RHOU: variants seen among roughly 807,000 people sequenced by gnomAD.
RHOU encodes the protein ras homolog family member U.
RHOU carries 8 observed loss-of-function variants against 12.6 expected under a neutral mutation model. The ratio of observed to expected loss-of-function variants is 0.64; its 90% CI spans 0.37 to 1.15. RHOU has a LOEUF of 1.15. Ranked by LOEUF, RHOU falls within the 50% of genes most tolerant of loss-of-function variation. The pLI, the probability that RHOU is intolerant of heterozygous loss-of-function variation, is 0.01. For missense variants in RHOU, 258 were observed against 347.0 expected (o/e 0.74, Z 2.04); for synonymous variants, 161 against 147.4 (o/e 1.09, Z -0.67).
At chr1:228,656,983 T>C in the RHOU span, among the ~76,000 whole-genome samples, 4 of 151,454 alleles carry the variant, frequency 2.6e-5, no homozygotes, top group African/African-American at 7.3e-5. Flanking sequence ...AGTGAAGAAA[T>C]AGAAAAAAGA....
the RHOU span, among the ~76,000 whole-genome samples, chr1:228,708,182 T>C: frequency 6.6e-6 from 1 of 152,144 alleles, no homozygotes; most frequent in South Asian, 2.1e-4. Flanking sequence ...CTACGTCTGA[T>C]TGGTGTACCT....
chr1:228,662,956 G>A, the RHOU span, among the ~76,000 whole-genome samples: 3 of 152,100 alleles, frequency 2.0e-5, no homozygotes, highest in East Asian at 3.9e-4. Flanking sequence ...CTGTCCCCTC[G>A]GGATCTGGCT....
At chr1:228,716,748 A>G in the RHOU span, among the ~76,000 whole-genome samples, 43 of 73,380 alleles carry the variant, frequency 5.9e-4, 1 homozygote, top group East Asian at 0.01. Flanking sequence ...ATACACACAC[A>G]TGTGTGTGTA....
chr1:228,649,515 A>T, the RHOU span, among the ~76,000 whole-genome samples: 18 of 152,306 alleles, frequency 1.2e-4, no homozygotes, highest in African/African-American at 2.9e-4. Context: ...AAGGGTTTTT[A>T]AAAAAATTCA....
the RHOU span, chr1:228,648,040 G>T: frequency 1.3e-5 from 2 of 152,322 alleles, no homozygotes; most frequent in Non-Finnish European, 2.9e-5. Flanking sequence ...GACGCCGGTA[G>T]TGCAGCCTGT....
the RHOU span, among the ~76,000 whole-genome samples, chr1:228,701,417 C>G: frequency 6.6e-6 from 1 of 152,102 alleles, no homozygotes; most frequent in African/African-American, 2.4e-5. Flanking sequence ...ATCTATCTCT[C>G]CTTTTCTCCT....
At chr1:228,740,845 T>C (rs1662706105) in intron 2 of RHOU, among the ~76,000 whole-genome samples, 1 of 152,188 alleles carries the variant, frequency 6.6e-6, no homozygotes, top group Non-Finnish European at 1.5e-5. Context: ...AATCACTTCT[T>C]GTACTTTGGC....
At chr1:228,692,871 A>G in the RHOU span, among the ~76,000 whole-genome samples, 1 of 152,198 alleles carries the variant, frequency 6.6e-6, no homozygotes, top group Admixed American at 6.5e-5. Flanking sequence ...AGTTGTTGAT[A>G]AAGTTGTTAC....
chr1:228,707,159 CAT>C, the RHOU span, among the ~76,000 whole-genome samples: 1 of 111,730 alleles, frequency 9.0e-6, no homozygotes, highest in Non-Finnish European at 1.7e-5. Flanking sequence ...TATATATACA[CAT>C]ACACACACAT....
chr1:228,739,811 C>G (rs115597999), intron 2 of RHOU, among the ~76,000 whole-genome samples: 1 of 152,372 alleles, frequency 6.6e-6, no homozygotes, highest in African/African-American at 2.4e-5. Flanking sequence ...GCTTCTTGAG[C>G]TGGGGTTTCA....
intron 1 of RHOU, among the ~76,000 whole-genome samples, chr1:228,736,441 C>G (rs535616599): frequency 6.6e-6 from 1 of 152,038 alleles, no homozygotes; most frequent in South Asian, 2.1e-4. Context: ...ACCTGAGCGT[C>G]GCTCCTTTGC....
chr1:228,699,790 T>G, the RHOU span, among the ~76,000 whole-genome samples: 3 of 152,256 alleles, frequency 2.0e-5, no homozygotes, highest in Admixed American at 2.0e-4. Context: ...CTAATAACCT[T>G]TTAGTTACTA....
the RHOU span, among the ~76,000 whole-genome samples, chr1:228,690,627 G>GT: frequency 8.6e-4 from 120 of 139,356 alleles, no homozygotes; most frequent in African/African-American, 3.1e-3. Context: ...CGGCTGTTTG[G>GT]TTTTTTTTGA....
At chr1:228,741,693 G>C (rs1036670709) in intron 2 of RHOU, among the ~76,000 whole-genome samples, 1 of 152,044 alleles carries the variant, frequency 6.6e-6, no homozygotes, top group Admixed American at 6.5e-5. Context: ...TTTTTTTAGA[G>C]AGCAGGGTCT....
chr1:228,731,134 T>G (rs1662488404), upstream of RHOU, among the ~76,000 whole-genome samples: 1 of 152,064 alleles, frequency 6.6e-6, no homozygotes, highest in African/African-American at 2.4e-5. Flanking sequence ...GGGGAAGAGT[T>G]TTGTGAACTG....
chr1:228,707,184 TATATATATATACATATATATAC>T, the RHOU span, among the ~76,000 whole-genome samples: 53 of 86,240 alleles, frequency 6.1e-4, no homozygotes, highest in East Asian at 3.2e-3. Flanking sequence ...ATTAACAAAA[TATATATATATACATATATATAC>T]ATATATATAT....
At chr1:228,651,615 C>T in the RHOU span, among the ~76,000 whole-genome samples, 1 of 152,194 alleles carries the variant, frequency 6.6e-6, no homozygotes, top group Non-Finnish European at 1.5e-5. Flanking sequence ...TACTGTACTT[C>T]CAGACCCCCT....
At chr1:228,715,592 G>T in the RHOU span, among the ~76,000 whole-genome samples, 1 of 152,018 alleles carries the variant, frequency 6.6e-6, no homozygotes, top group Non-Finnish European at 1.5e-5. Flanking sequence ...AATGATCCTT[G>T]TACCTTGAGA....
chr1:228,699,782 A>G, the RHOU span, among the ~76,000 whole-genome samples: 1 of 152,132 alleles, frequency 6.6e-6, no homozygotes, highest in South Asian at 2.1e-4. Context: ...AATATGTCCT[A>G]ATAACCTTTT....
Sources: allele counts gnomAD v4.1 joint callset (sites outside exome capture counted in the v4.1 genomes callset), GRCh38; gene constraint gnomAD v4.1.1; transcripts MANE v1.5; gene names NCBI Gene and HGNC (gene_info 2026-07-23, HGNC 2026-07-21).